The following ETNK1 variants were observed in gnomAD, a reference collection of about 807,000 sequenced individuals.
ETNK1 encodes the protein putative protein product of Nbla10396.
ETNK1 carries 8 observed loss-of-function variants against 45.1 expected under a neutral mutation model. The ratio of observed to expected loss-of-function variants is 0.18; its 90% CI spans 0.10 to 0.32. The LOEUF (loss-of-function observed/expected upper bound fraction) is 0.32. ETNK1 is among the 10% of genes least tolerant of loss of function. The pLI is 1.00. For missense variants in ETNK1, 302 were observed against 430.6 expected, an observed-to-expected ratio of 0.70 and a Z score of 2.64; for synonymous variants, 152 against 151.9, an observed-to-expected ratio of 1.00 and a Z score of -0.01.
In ETNK1 at chr12:22,645,085, T is replaced by C. The variant is rs149562385; in HGVS notation, c.416+1063T>C. ...CTTTTACATGAGTCTAGTCTTTAGATGTATTAAAAGATTCTGATTAATACA... is the reference window on the plus strand; with the variant it reads ...CTTTTACATGAGTCTAGTCTTTAGACGTATTAAAAGATTCTGATTAATACA... On this transcript the variant is annotated intron_variant, in intron 2 of 7. Coordinates refer to ENST00000266517, the MANE Select transcript of ETNK1 (RefSeq NM_018638.5). Among the ~76,000 whole-genome samples, 197 of 152,096 alleles carry C rather than the reference T, an allele frequency of 1.3e-3. 1 individual carries two copies. The highest frequency in any genetic ancestry group is 3.4e-3 in the Middle Eastern group (1 of 294).
chr12:22,651,379 T>C lies in ETNK1; in HGVS notation c.416+7357T>C, dbSNP rs78302215. 2.0e-5 allele frequency among the ~76,000 whole-genome samples: 3 copies of C among 152,302 alleles called. No individual in the cohort carries two copies. In the East Asian group the frequency reaches 5.8e-4, roughly 30 times the overall value. On this transcript the variant is annotated intron_variant, in intron 2 of 7. Coordinates refer to ENST00000266517, the MANE Select transcript of ETNK1 (RefSeq NM_018638.5). The stretch of plus-strand genomic sequence containing the variant: ...TGACTTCCAGGTAGCCCTTTTCTAC[T>C]GGCACAGCTGCTGGCATTCACTCAT...
intron 1 of ETNK1, chr12:22,625,832 C>T: frequency 1.4e-6 from 1 of 702,872 alleles, no homozygotes. Flanking sequence ...GCGTAAGTGA[C>T]GGACCCATCC....
chr12:22,635,117 T>C (rs978896331), intron 1 of ETNK1, among the ~76,000 whole-genome samples: 2 of 152,240 alleles, frequency 1.3e-5, no homozygotes, highest in Admixed American at 6.5e-5. Context: ...AAATGGGCCT[T>C]GGGCCTGAAA....
intron 6 of ETNK1, among the ~76,000 whole-genome samples, chr12:22,682,759 C>T (rs779821408): frequency 1.3e-5 from 2 of 152,128 alleles, no homozygotes; most frequent in African/African-American, 2.4e-5. Flanking sequence ...TAGTTTCACC[C>T]TCACTGCTTT....
intron 6 of ETNK1, among the ~76,000 whole-genome samples, chr12:22,677,389 A>G (rs1160180146): frequency 6.6e-6 from 1 of 152,172 alleles, no homozygotes; most frequent in Non-Finnish European, 1.5e-5. Context: ...TGGTACCAGT[A>G]CCATGCTGTT....
At chr12:22,628,092 A>G (rs1400765906) in intron 1 of ETNK1, among the ~76,000 whole-genome samples, 1 of 152,068 alleles carries the variant, frequency 6.6e-6, no homozygotes, top group Non-Finnish European at 1.5e-5. Context: ...TAAATCTAAA[A>G]CAACAATACA....
intron 5 of ETNK1, among the ~76,000 whole-genome samples, chr12:22,673,028 C>T (rs111391382): frequency 1.3e-5 from 2 of 151,946 alleles, no homozygotes; most frequent in Non-Finnish European, 2.9e-5. Flanking sequence ...AAAATGTATT[C>T]TTGGTTGCAG....
At position 22,661,263 on chromosome 12, in the gene ETNK1, A is replaced by AT. The variant is rs1953996884; in HGVS notation, c.700+62dup. On this transcript the variant is annotated intron_variant, in intron 4 of 7. Transcript: ENST00000266517. Reference sequence around the variant, plus strand: ...GATTTCTTTTATGTTCTTAATGGTCATTTTATCTCTATATCAACAAAATAA... The same window carrying AT: ...GATTTCTTTTATGTTCTTAATGGTCATTTTTATCTCTATATCAACAAAATAA... 2.5e-5 allele frequency: 35 copies of AT among 1,427,138 alleles called. No homozygotes were observed. In the South Asian group the frequency reaches 4.5e-4, roughly 19 times the overall value. 88.4% of individuals were successfully genotyped at this position (1,427,138 alleles called of 1,614,324 possible).
At chr12:22,629,939 C>T (rs563002260) in intron 1 of ETNK1, among the ~76,000 whole-genome samples, 1 of 152,206 alleles carries the variant, frequency 6.6e-6, no homozygotes, top group Non-Finnish European at 1.5e-5. Context: ...GTTTAATAGA[C>T]GCCCATCAAA....
At chr12:22,660,896 A>G (rs1592129933) in intron 3 of ETNK1, among the ~76,000 whole-genome samples, 167 bp from the exon 4 acceptor site, 1 of 152,242 alleles carries the variant, frequency 6.6e-6, no homozygotes, top group South Asian at 2.1e-4. Flanking sequence ...AACTTACTAT[A>G]TAGGTTTTCT....
Position 22,661,111 on chromosome 12 carries a change from T to C in ETNK1, c.606T>C (p.Thr202=), listed in dbSNP as rs1182927294. The C allele has an allele frequency of 6.2e-7, 1 of 1,612,704 alleles. No homozygotes were observed. The highest frequency in any genetic ancestry group is 1.7e-4 in the Middle Eastern group (1 of 6,056). The change falls in exon 4 of 8, where the codon ACT becomes ACC. Residue 202 remains threonine, a synonymous_variant. Transcript: ENST00000266517. ...PSSQILQEEM[T]WMKEILSNLG... is the part of the protein sequence containing the mutation. ...CTCAGATTCTCCAGGAAGAGATGAC[T>C]TGGATGAAGGAGATTCTTTCCAACC...
rs117239781 is a variant in ETNK1 at position 22,684,219 on chromosome 12, A to G, written c.946-264A>G. On this transcript the variant is annotated intron_variant, in intron 6 of 7. Transcript: ENST00000266517. ...GTGCTGATGGTAAACTTTGCTTTAT[A>G]AAAAAGCACATCACAGGAACTGGCC... 2.7e-3 allele frequency among the ~76,000 whole-genome samples: 415 copies of G among 152,208 alleles called. 8 individuals carry two copies. In the East Asian group the frequency reaches 0.066, roughly 24 times the overall value.
intron 5 of ETNK1, among the ~76,000 whole-genome samples, chr12:22,671,815 G>A (rs12826684): frequency 0.35 from 50,214 of 144,864 alleles, 9,658 homozygotes; most frequent in Middle Eastern, 0.49. Flanking sequence ...CTCCAGCCTG[G>A]GCGATAGAGC....
rs991454553 is a variant in ETNK1 at position 22,690,081 on chromosome 12, C to T, written c.*5127C>T. ...GAATGAAATTGGGTAACTGTCATTG[C>T]GTTAGCTTTATGTTGAATTGGGAAA... On this transcript the variant is annotated 3_prime_UTR_variant, in exon 8 of 8. Transcript: ENST00000266517. 2.0e-5 allele frequency: 3 copies of T among 152,408 alleles called. No individual in the cohort carries two copies. The highest frequency in any genetic ancestry group is 2.9e-5 in the Non-Finnish European group (2 of 67,884). The allele number at this position is 152,408 out of a possible 1,614,324, so 9.4% of individuals were successfully genotyped here. A position where few individuals can be genotyped will look rare whatever the true frequency, so the allele number is the denominator to read the frequency against.
chr12:22,689,031 G>T lies in ETNK1; in HGVS notation c.*4077G>T, dbSNP rs1173773252. 1 of 151,810 alleles carries T rather than the reference G, an allele frequency of 6.6e-6. No individual in the cohort carries two copies. The highest frequency in any genetic ancestry group is 1.9e-4 in the East Asian group (1 of 5,198). 9.4% of individuals were successfully genotyped at this position (151,810 alleles called of 1,614,324 possible). A position where few individuals can be genotyped will look rare whatever the true frequency, so the allele number is the denominator to read the frequency against. On this transcript the variant is annotated 3_prime_UTR_variant, in exon 8 of 8. Coordinates refer to ENST00000266517, the MANE Select transcript of ETNK1 (RefSeq NM_018638.5). ...AAATGAATTTTTCCCCATGTTTGAG[G>T]CTTAGTCTGTAAATGTGTTGCTGTA...
At chr12:22,635,717 A>G (rs1167013039) in intron 1 of ETNK1, among the ~76,000 whole-genome samples, 1 of 152,208 alleles carries the variant, frequency 6.6e-6, no homozygotes, top group Non-Finnish European at 1.5e-5. Flanking sequence ...ATTGTTATAA[A>G]AACATAAAAA....
chr12:22,634,887 A>G (rs1047116314), intron 1 of ETNK1, among the ~76,000 whole-genome samples: 4 of 152,070 alleles, frequency 2.6e-5, no homozygotes, highest in Non-Finnish European at 4.4e-5. Flanking sequence ...GAGTTTTTCT[A>G]TTTTATTGAT....
intron 2 of ETNK1, chr12:22,656,927 G>C (rs999149714): frequency 3.7e-6 from 2 of 544,096 alleles, no homozygotes; most frequent in African/African-American, 4.1e-5. Flanking sequence ...AACACAGATT[G>C]TATCTTTCTT....
chr12:22,684,466 T>C lies in ETNK1; in HGVS notation c.946-17T>C. On this transcript the variant is annotated splice_polypyrimidine_tract_variant and intron_variant, in intron 6 of 7. Transcript: ENST00000266517. ...ATTCATTATCATAATTTTTGATTTT[T>C]CTTTCCTTCTTTTAAGGCTTCTCAT... The C allele has an allele frequency of 6.3e-7, 1 of 1,589,600 alleles. No homozygotes were observed. The highest frequency in any genetic ancestry group is 8.6e-7 in the Non-Finnish European group (1 of 1,163,760).
Sources: allele counts gnomAD v4.1 joint callset (sites outside exome capture counted in the v4.1 genomes callset), GRCh38; gene constraint gnomAD v4.1.1; transcripts MANE v1.5; gene names NCBI Gene and HGNC (gene_info 2026-07-23, HGNC 2026-07-21).